The following CLYBL variants were observed in gnomAD, a reference collection of about 807,000 sequenced individuals.
CLYBL encodes the protein citramalyl-CoA lyase, also known as citramalyl-CoA lyase, mitochondrial.
CLYBL carries 31 observed loss-of-function variants against 38.9 expected under a neutral mutation model. That is an observed-to-expected ratio of 0.80 (90% CI 0.60 to 1.08). The LOEUF (loss-of-function observed/expected upper bound fraction) is 1.08. CLYBL is among the 50% of genes least tolerant of loss of function. The pLI, the probability that CLYBL is intolerant of heterozygous loss-of-function variation, is 0.00. For synonymous variants in CLYBL, 171 were observed against 158.6 expected, an observed-to-expected ratio of 1.08 and a Z score of -0.59; for missense variants, 434 against 411.6, an observed-to-expected ratio of 1.05 and a Z score of -0.47.
At chr13:99,616,035 T>TG (rs1479089067) in intron 1 of CLYBL, among the ~76,000 whole-genome samples, 1 of 151,786 alleles carries the variant, frequency 6.6e-6, no homozygotes, top group African/African-American at 2.4e-5. Flanking sequence ...TTAGTAGAGA[T>TG]GGGGTTTCAC....
chr13:99,610,438 C>G (rs1454309822), intron 1 of CLYBL, among the ~76,000 whole-genome samples: 1 of 152,102 alleles, frequency 6.6e-6, no homozygotes, highest in African/African-American at 2.4e-5. Flanking sequence ...TCCCTTTTGC[C>G]AGGGTTTATT....
intron 1 of CLYBL, among the ~76,000 whole-genome samples, chr13:99,693,036 C>T (rs2047930932): frequency 6.6e-6 from 1 of 152,156 alleles, no homozygotes; most frequent in South Asian, 2.1e-4. Flanking sequence ...CATTTGTGTA[C>T]AAGTTTTTGG....
chr13:99,783,431 G>T (rs2049704716), intron 2 of CLYBL, among the ~76,000 whole-genome samples: 1 of 149,120 alleles, frequency 6.7e-6, no homozygotes, highest in South Asian at 2.1e-4. Context: ...GGTATATTAT[G>T]AATCTGATAA....
chr13:99,867,108 T>G (rs1271679016), intron 6 of CLYBL, among the ~76,000 whole-genome samples: 1 of 152,010 alleles, frequency 6.6e-6, no homozygotes, highest in Non-Finnish European at 1.5e-5. Context: ...AAAACCACAA[T>G]AGGAGTCTAC....
At chr13:99,870,833 TA>T (rs1566361539) in intron 6 of CLYBL, 104 bp from the exon 7 acceptor site, 1 of 1,156,766 alleles carries the variant, frequency 8.6e-7, no homozygotes, top group African/African-American at 1.6e-5. Context: ...ATTAGTTATT[TA>T]ACATACAGTC....
At chr13:99,897,177 C>T (rs1393598342), downstream of CLYBL, 1 of 152,282 alleles carries the variant, frequency 6.6e-6, no homozygotes, top group Non-Finnish European at 1.5e-5. Context: ...TCATCTCCCT[C>T]TCCCCTCCGG....
chr13:99,755,572 A>G (rs976397523), intron 1 of CLYBL, among the ~76,000 whole-genome samples: 1 of 152,148 alleles, frequency 6.6e-6, no homozygotes, highest in Non-Finnish European at 1.5e-5. Context: ...CCTTGCAGGC[A>G]CACTGCCAAA....
chr13:99,895,186 A>C (rs927648379), downstream of CLYBL: 1 of 152,100 alleles, frequency 6.6e-6, no homozygotes, highest in Non-Finnish European at 1.5e-5. Context: ...CGGGAAACTG[A>C]CTTTCTTCAT....
chr13:99,662,035 T>C (rs757625560), intron 1 of CLYBL, among the ~76,000 whole-genome samples: 2 of 152,206 alleles, frequency 1.3e-5, no homozygotes, highest in South Asian at 2.1e-4. Flanking sequence ...GTGGAATTTA[T>C]TGGGAGACCA....
chr13:99,638,019 A>C (rs1391302625), intron 1 of CLYBL, among the ~76,000 whole-genome samples: 1 of 126,374 alleles, frequency 7.9e-6, no homozygotes, highest in East Asian at 2.9e-4. Context: ...GCTGGAGTGC[A>C]ATGGCACAAT....
intron 1 of CLYBL, among the ~76,000 whole-genome samples, chr13:99,731,254 TA>T (rs1451910085): frequency 6.6e-6 from 1 of 151,902 alleles, no homozygotes; most frequent in African/African-American, 2.4e-5. Flanking sequence ...AAGCCTTCTT[TA>T]AAAGTTGAAA....
chr13:99,884,598 G>C (rs1047988912), intron 7 of CLYBL, among the ~76,000 whole-genome samples: 3 of 152,162 alleles, frequency 2.0e-5, no homozygotes, highest in African/African-American at 7.2e-5. Context: ...TCTATTTAAT[G>C]TCCTTCCCGC....
At chr13:99,905,397 G>C in exon 9 of CLYBL, among the ~76,000 whole-genome samples, 1 of 152,194 alleles carries the variant, frequency 6.6e-6, no homozygotes, top group East Asian at 1.9e-4. Flanking sequence ...CTTCTGTTAC[G>C]TGCCTGTGGT....
At chr13:99,846,851 G>C (rs945797199) in intron 2 of CLYBL, among the ~76,000 whole-genome samples, 1 of 152,210 alleles carries the variant, frequency 6.6e-6, no homozygotes, top group Admixed American at 6.5e-5. Context: ...CTACAGCAAC[G>C]TGGGCACAGC....
intron 1 of CLYBL, among the ~76,000 whole-genome samples, chr13:99,650,165 AG>A (rs1313462242): frequency 6.6e-6 from 1 of 152,062 alleles, no homozygotes; most frequent in African/African-American, 2.4e-5. Flanking sequence ...CGGGAGGCTG[AG>A]GCAGGAGAAT....
At position 99,748,976 on chromosome 13, in the gene CLYBL, C is replaced by T. The variant is rs538960891; in HGVS notation, c.63-23848C>T. On this transcript the variant is annotated intron_variant, in intron 1 of 8. Transcript: ENST00000339105. ...TGCGGATCACCTGAGGTCAGGAGTT[C>T]GAGACCAGCCTGGACCACATGGTGA... Among the ~76,000 whole-genome samples the T allele has an allele frequency of 1.2e-3, 190 of 152,076 alleles. 1 individual carries two copies. Among genetic ancestry groups the T allele is most frequent in the Non-Finnish European group, 1.9e-3 (130 of 67,986 alleles).
At chr13:99,611,019 G>A (rs2139171181) in intron 1 of CLYBL, among the ~76,000 whole-genome samples, 1 of 152,330 alleles carries the variant, frequency 6.6e-6, no homozygotes, top group South Asian at 2.1e-4. Flanking sequence ...AGGTCAAATA[G>A]TGACATTTTC....
chr13:99,845,533 C>T (rs1049908228), intron 2 of CLYBL, among the ~76,000 whole-genome samples: 4 of 152,216 alleles, frequency 2.6e-5, no homozygotes, highest in African/African-American at 9.6e-5. Context: ...AGGTGGAAAG[C>T]GCGATGGAAA....
At chr13:99,641,832 A>T (rs1322888856) in intron 1 of CLYBL, among the ~76,000 whole-genome samples, 1 of 152,144 alleles carries the variant, frequency 6.6e-6, no homozygotes, top group Non-Finnish European at 1.5e-5. Flanking sequence ...ATAGTCCAAC[A>T]CAAGAAGGAA....
Sources: allele counts gnomAD v4.1 joint callset (sites outside exome capture counted in the v4.1 genomes callset), GRCh38; gene constraint gnomAD v4.1.1; transcripts MANE v1.5; gene names NCBI Gene and HGNC (gene_info 2026-07-23, HGNC 2026-07-21).